Variants in SPTBN2 observed in about 807,000 individuals in gnomAD.
SPTBN2 encodes the protein spectrin beta, non-erythrocytic 2.
SPTBN2 carries 107 observed loss-of-function variants against 284.2 expected under a neutral mutation model. The observed-to-expected ratio is 0.38, with a 90% CI of 0.32 to 0.44. SPTBN2 has a LOEUF of 0.44. SPTBN2 is among the 20% of genes least tolerant of loss of function. The pLI, the probability that SPTBN2 is intolerant of heterozygous loss-of-function variation, is 1.00. For missense variants in SPTBN2, 2,569 were observed against 3,287.1 expected (o/e 0.78, Z 5.34); for synonymous variants, 1,289 against 1,354.8 (o/e 0.95, Z 1.07).
chr11:66,687,877 G>C lies in SPTBN2; in HGVS notation c.6492C>G (p.Pro2164=). ...GQQRLEHSSF[P]EGPGPGSGDE... ...TTGCAGGGGAACTCACCGGCCCTTC[G>C]GGGAAGCTGCTGTGCTCAAGTCTCT... The change falls in exon 34 of 38, where the codon CCC becomes CCG. Residue 2164 remains proline, a synonymous_variant. Coordinates refer to ENST00000533211, the MANE Select transcript of SPTBN2 (RefSeq NM_006946.4). The surrounding 1 kb of genome is among the most constrained non-coding windows in gnomAD (Gnocchi z 5.2). The C allele has an allele frequency of 1.2e-6, 2 of 1,614,116 alleles. No homozygotes were observed. Among genetic ancestry groups the C allele is most frequent in the Non-Finnish European group, 1.7e-6 (2 of 1,180,018 alleles).
rs368380816 is a variant in SPTBN2, at chr11:66,688,860, C to T, written c.6035-11G>A. ...CAAGCACCTCCAAAACTGGCAGGAT[C>T]GGGGGTTGCAGGAAGATGGTGGGTC... On this transcript the variant is annotated splice_polypyrimidine_tract_variant and intron_variant, in intron 30 of 37. Transcript: ENST00000533211. 6 of 1,587,376 alleles carry T rather than the reference C, an allele frequency of 3.8e-6. No homozygotes were observed. The South Asian group carries it at 4.4e-5, about 12-fold the overall frequency.
rs201017398 is a variant in SPTBN2 at position 66,690,153 on chromosome 11, C to T, written c.5696G>A (p.Arg1899His). Residue 1899 changes from arginine (R) to histidine (H), a missense_variant, in exon 28 of 38, where the codon CGC (arginine) becomes CAC (histidine). Transcript: ENST00000533211. ...TGTGGTGTCCAGCAGCAGCTGCCGG[C>T]GGGCGGCAGAGCTTCCCTGAAGCTG... is the stretch of plus-strand genomic sequence containing the variant. ...WAQLQGSSAARRQLLLDTTDK... is the reference protein window; with the variant it reads ...WAQLQGSSAAHRQLLLDTTDK... 6.7e-5 allele frequency: 108 copies of T among 1,614,042 alleles called. No individual in the cohort carries two copies. The highest frequency in any genetic ancestry group is 7.5e-5 in the Non-Finnish European group (89 of 1,180,036).
chr11:66,713,884 C>T (rs1942009364), intron 7 of SPTBN2, 138 bp from the exon 8 acceptor site: 4 of 862,564 alleles, frequency 4.6e-6, no homozygotes, highest in Admixed American at 2.0e-5. Flanking sequence ...CACACTGCTG[C>T]TCACAGCCCC....
intron 1 of SPTBN2, among the ~76,000 whole-genome samples, chr11:66,737,414 C>A (rs1942861558): frequency 6.6e-6 from 1 of 152,136 alleles, no homozygotes; most frequent in African/African-American, 2.4e-5. Context: ...CAGGTCTGAG[C>A]CACTGTGACA....
intron 1 of SPTBN2, among the ~76,000 whole-genome samples, chr11:66,738,215 C>G (rs1942869141): frequency 6.7e-6 from 1 of 149,880 alleles, no homozygotes; most frequent in African/African-American, 2.5e-5. Flanking sequence ...AACTCGGTCT[C>G]AAAAAAACAA....
intron 19 of SPTBN2, 55 bp downstream of exon 19, chr11:66,698,937 C>T: frequency 6.2e-7 from 1 of 1,610,016 alleles, no homozygotes; most frequent in Non-Finnish European, 8.5e-7. Context: ...TTATTCTAGG[C>T]TCAAGGTGAG....
chr11:66,744,397 C>G (rs1942938350), intron 1 of SPTBN2: 1 of 155,010 alleles, frequency 6.5e-6, no homozygotes, highest in Admixed American at 6.5e-5. Flanking sequence ...GTTACCGTCG[C>G]CCCTCCCGGC....
At chr11:66,731,349 T>A (rs1942812991), upstream of SPTBN2, among the ~76,000 whole-genome samples, 1 of 152,208 alleles carries the variant, frequency 6.6e-6, no homozygotes, top group African/African-American at 2.4e-5. Context: ...ATCTGGTTCC[T>A]TCTTATTTGA....
In SPTBN2 at chr11:66,735,082, C is replaced by G. The variant is rs576017149; in HGVS notation, c.-474-5890G>C. Among the ~76,000 whole-genome samples, 21 of 152,252 alleles carry G rather than the reference C, an allele frequency of 1.4e-4. No individual in the cohort carries two copies. In the South Asian group the frequency reaches 1.5e-3, roughly 11 times the overall value. ...GCACAGTGGCTCCTGCCTGTAATCC[C>G]AGTATTTTGGGAGGCTGAAGCAGGT... is the stretch of plus-strand genomic sequence containing the variant. On this transcript the variant is annotated intron_variant, in intron 1 of 37. Coordinates refer to the SPTBN2 transcript ENST00000611817.
Position 66,693,820 on chromosome 11 carries a change from C to A in SPTBN2, c.4545G>T (p.Glu1515Asp). 6.2e-7 allele frequency: 1 copy of A among 1,613,964 alleles called. No homozygotes were observed. Among genetic ancestry groups the A allele is most frequent in the Non-Finnish European group, 8.5e-7 (1 of 1,179,968 alleles). ...TERLPMASSM[E>D]HGKDLPSVQL... ...GGACGCTGGGCAGGTCCTTGCCATGCTCCATGGAGCTGGCCATGGGCAGCC... is the reference window on the plus strand; with the variant it reads ...GGACGCTGGGCAGGTCCTTGCCATGATCCATGGAGCTGGCCATGGGCAGCC... The change falls in exon 23 of 38, where the codon GAG becomes GAT. Residue 1515 changes from glutamate (E) to aspartate (D), a missense_variant. Around this residue, in one of 6 missense-constraint regions of SPTBN2, gnomAD observed 1,130 missense variants for 1,317.3 expected, o/e 0.86. Coordinates refer to ENST00000533211, the MANE Select transcript of SPTBN2 (RefSeq NM_006946.4). This position sits in a 1 kb window ranked among gnomAD's most constrained non-coding sequence, Gnocchi z 5.7.
chr11:66,710,111 T>C lies in SPTBN2; in HGVS notation c.1073+471A>G, dbSNP rs1489841448. On this transcript the variant is annotated intron_variant, in intron 10 of 37. Coordinates refer to ENST00000533211, the MANE Select transcript of SPTBN2 (RefSeq NM_006946.4). The surrounding 1 kb of genome is among the most constrained non-coding windows in gnomAD (Gnocchi z 4.9). The stretch of plus-strand genomic sequence containing the variant: ...AGGTTGGAGTGCAGTGGCGTGATCT[T>C]GGCTCACTGCAACCTCTGTCTCCCG... Among the ~76,000 whole-genome samples, 1 of 152,236 alleles carries C rather than the reference T, an allele frequency of 6.6e-6. No homozygotes were observed. Among genetic ancestry groups the C allele is most frequent in the Non-Finnish European group, 1.5e-5 (1 of 68,040 alleles).
intron 1 of SPTBN2, among the ~76,000 whole-genome samples, chr11:66,727,616 C>T: frequency 6.6e-6 from 1 of 152,076 alleles, no homozygotes; most frequent in South Asian, 2.1e-4. Flanking sequence ...TGCTTTCTCC[C>T]CGGGCCAGTT....
At position 66,708,369 on chromosome 11, in the gene SPTBN2, G is replaced by A; in HGVS notation, c.1192-70C>T. 1 of 1,441,250 alleles carries A rather than the reference G, an allele frequency of 6.9e-7. No homozygotes were observed. The highest frequency in any genetic ancestry group is 9.3e-7 in the Non-Finnish European group (1 of 1,078,034). The allele number at this position is 1,441,250 out of a possible 1,614,324, so 89.3% of individuals were successfully genotyped here. A position where few individuals can be genotyped will look rare whatever the true frequency, so the allele number is the denominator to read the frequency against. Reference sequence around the variant, plus strand: ...GGCTCAGTGGGGCTGGAGGCACATGGTAAGTCCCATGGAAGCTCGGTCTGG... The same window carrying A: ...GGCTCAGTGGGGCTGGAGGCACATGATAAGTCCCATGGAAGCTCGGTCTGG... On this transcript the variant is annotated intron_variant, in intron 11 of 37. Transcript: ENST00000533211. This position sits in a 1 kb window ranked among gnomAD's most constrained non-coding sequence, Gnocchi z 4.4.
chr11:66,691,279 C>T lies in SPTBN2; in HGVS notation c.5565+5G>A. ...CTCCCCCACCTCCTCATGCTTGGGT[C>T]AGACCTGGGGGCTGAGGGCCTGAAT... On this transcript the variant is annotated splice_donor_5th_base_variant and intron_variant, in intron 27 of 37. Transcript: ENST00000533211. The surrounding 1 kb of genome is among the most constrained non-coding windows in gnomAD (Gnocchi z 8.0). 2 of 1,523,776 alleles carry T rather than the reference C, an allele frequency of 1.3e-6. No individual in the cohort carries two copies. The highest frequency in any genetic ancestry group is 1.8e-6 in the Non-Finnish European group (2 of 1,133,808). The allele number at this position is 1,523,776 out of a possible 1,614,324, so 94.4% of individuals were successfully genotyped here. A position where few individuals can be genotyped will look rare whatever the true frequency, so the allele number is the denominator to read the frequency against.
chr11:66,727,716 G>A (rs2135594042), intron 1 of SPTBN2, among the ~76,000 whole-genome samples: 1 of 152,172 alleles, frequency 6.6e-6, no homozygotes, highest in Admixed American at 6.5e-5. Context: ...AAGAGGCGAG[G>A]AGGAGCCCAC....
At chr11:66,740,456 C>T (rs1006400268) in intron 1 of SPTBN2, among the ~76,000 whole-genome samples, 1 of 152,166 alleles carries the variant, frequency 6.6e-6, no homozygotes, top group Admixed American at 6.5e-5. Flanking sequence ...GCTAGAACAT[C>T]CCTGTCTGAC....
At position 66,700,755 on chromosome 11, in the gene SPTBN2, TC is replaced by T; in HGVS notation, c.3343del (p.Glu1115SerfsTer17). 1 of 1,602,570 alleles carries T rather than the reference TC, an allele frequency of 6.2e-7. No individual in the cohort carries two copies. The highest frequency in any genetic ancestry group is 8.5e-7 in the Non-Finnish European group (1 of 1,179,792). On this transcript the variant is annotated frameshift_variant, in exon 17 of 38. Transcript: ENST00000533211. LOFTEE classifies it high-confidence loss of function. This position sits in a 1 kb window ranked among gnomAD's most constrained non-coding sequence, Gnocchi z 6.6. ...AQHAALRGEV[E>X]RAQSEYSRLR... Reference sequence around the variant, plus strand: ...CCGGCTATACTCGCTCTGGGCCCGCTCCACCTCTCCCCGCAGGGCTGCATGT... The same window carrying T: ...CCGGCTATACTCGCTCTGGGCCCGCTCACCTCTCCCCGCAGGGCTGCATGT...
Position 66,687,313 on chromosome 11 carries a change from G to A in SPTBN2, c.6722+114C>T. 1 of 1,549,686 alleles carries A rather than the reference G, an allele frequency of 6.5e-7. No individual in the cohort carries two copies. The highest frequency in any genetic ancestry group is 8.8e-7 in the Non-Finnish European group (1 of 1,137,482). On this transcript the variant is annotated intron_variant, in intron 35 of 37. Transcript: ENST00000533211. This position sits in a 1 kb window ranked among gnomAD's most constrained non-coding sequence, Gnocchi z 5.2. ...GGTCCTCCCCTGAGGCCCCGCTCTG[G>A]TCCCAAGTCCTACCCTTTGCCCAGA...
At chr11:66,686,525 C>A in intron 36 of SPTBN2, 85 bp from the exon 37 acceptor site, 1 of 1,485,396 alleles carries the variant, frequency 6.7e-7, no homozygotes, top group Non-Finnish European at 9.4e-7. Flanking sequence ...CATGACCCAA[C>A]ACCAGGCTGG....
Sources: allele counts gnomAD v4.1 joint callset (sites outside exome capture counted in the v4.1 genomes callset), GRCh38; gene constraint gnomAD v4.1.1; regional missense constraint gnomAD v4.1.1; non-coding constraint Gnocchi (gnomAD v3.1); transcripts MANE v1.5; gene names NCBI Gene and HGNC (gene_info 2026-07-23, HGNC 2026-07-21).